PLK2: variants seen among roughly 807,000 people sequenced by gnomAD.
PLK2 encodes the protein polo like kinase 2, also known as serine/threonine-protein kinase PLK2.
PLK2 carries 25 observed loss-of-function variants against 78.1 expected under a neutral mutation model. That is an observed-to-expected ratio of 0.32 (90% CI 0.23 to 0.45). PLK2 has a LOEUF of 0.45. PLK2 is among the 20% of genes least tolerant of loss of function. The pLI, the probability that PLK2 is intolerant of heterozygous loss-of-function variation, is 1.00. For synonymous variants in PLK2, 332 were observed against 298.2 expected (o/e 1.11, Z -1.17); for missense variants, 566 against 840.2 (o/e 0.67, Z 4.04).
intron 10 of PLK2, 39 bp downstream of exon 10, chr5:58,455,987 C>T (rs370547692): frequency 6.9e-6 from 11 of 1,593,002 alleles, no homozygotes; most frequent in South Asian, 6.9e-5. Flanking sequence ...ACTGGCATTT[C>T]GAGTTTCATT....
chr5:58,455,377 C>T lies in PLK2; in HGVS notation c.1663G>A (p.Val555Ile), dbSNP rs1226613612. ...HYYAELGQCS[V>I]FPATDAPEQF... The stretch of plus-strand genomic sequence containing the variant: ...TCAGGAGCATCTGTTGCTGGGAAAA[C>T]TGAGCATTGGCCAAGCTCTGCGTAA... Residue 555 changes from valine (V) to isoleucine (I), a missense_variant, in exon 12 of 14, where the codon GTT becomes ATT. Coordinates refer to ENST00000274289, the MANE Select transcript of PLK2 (RefSeq NM_006622.4). 2.5e-6 allele frequency: 4 copies of T among 1,614,072 alleles called. No homozygotes were observed. In the Admixed American group the frequency reaches 6.7e-5, roughly 27 times the overall value.
At chr5:58,455,082 ATTATTC>A (rs1743559667) in intron 12 of PLK2, 61 bp from the exon 13 acceptor site, 4 of 1,167,918 alleles carry the variant, frequency 3.4e-6, no homozygotes, top group Non-Finnish European at 3.8e-6. Context: ...GCACTCTATT[ATTATTC>A]TAAGAAAATC....
At chr5:58,455,200 T>C in intron 12 of PLK2, 85 bp downstream of exon 12, 1 of 1,490,314 alleles carries the variant, frequency 6.7e-7, no homozygotes, top group Admixed American at 1.8e-5. Context: ...GAGAATCTGT[T>C]TCTAACAAGC....
chr5:58,455,146 C>T lies in PLK2; in HGVS notation c.1756-125G>A, dbSNP rs1579963202. 5.1e-6 allele frequency: 6 copies of T among 1,182,164 alleles called. No individual in the cohort carries two copies. The East Asian group carries it at 1.4e-4, about 28-fold the overall frequency. 73.2% of individuals were successfully genotyped at this position (1,182,164 alleles called of 1,614,324 possible). On this transcript the variant is annotated intron_variant, in intron 12 of 13. Coordinates refer to ENST00000274289, the MANE Select transcript of PLK2 (RefSeq NM_006622.4). ...AGAATGGCTTTGGAAATCCCTGCCT[C>T]CACCTCCCGGAGATTCTGATTCAGT...
chr5:58,456,137 T>C lies in PLK2; in HGVS notation c.1273A>G (p.Thr425Ala). Residue 425 changes from threonine to alanine, a missense_variant, in exon 10 of 14, where the codon ACC becomes GCC. By Grantham distance (58) the Thr-to-Ala change is moderately conservative (BLOSUM62 0). Coordinates refer to ENST00000274289, the MANE Select transcript of PLK2 (RefSeq NM_006622.4). ...GGTGTTCCAGACCTGGCAACTGTGG[T>C]GGTAGGTGGCTGGAGCTCCTTAGAA... is the stretch of plus-strand genomic sequence containing the variant. ...RTDEELQPPT[T>A]TVARSGTPAV... 1.9e-6 allele frequency: 3 copies of C among 1,613,660 alleles called. No individual in the cohort carries two copies. Among genetic ancestry groups the C allele is most frequent in the Non-Finnish European group, 2.5e-6 (3 of 1,179,892 alleles).
chr5:58,458,711 G>A lies in PLK2; in HGVS notation c.495+14C>T. On this transcript the variant is annotated intron_variant, in intron 3 of 13. Transcript: ENST00000274289. Reference sequence around the variant, plus strand: ...GGGGTAAGCAAATGTTCTCAAATAGGAGTTGACACTTACCCTTCTACTGCA... The same window carrying A: ...GGGGTAAGCAAATGTTCTCAAATAGAAGTTGACACTTACCCTTCTACTGCA... 2 of 1,339,606 alleles carry A rather than the reference G, an allele frequency of 1.5e-6. No individual in the cohort carries two copies. The highest frequency in any genetic ancestry group is 2.4e-5 in the South Asian group (2 of 84,422). 83.0% of individuals were successfully genotyped at this position (1,339,606 alleles called of 1,614,324 possible). A position where few individuals can be genotyped will look rare whatever the true frequency, so the allele number is the denominator to read the frequency against.
At chr5:58,458,887 G>A (rs1028813660) in intron 2 of PLK2, 46 bp from the exon 3 acceptor site, 7 of 1,352,946 alleles carry the variant, frequency 5.2e-6, no homozygotes, top group Middle Eastern at 1.8e-4. Context: ...CAGTCACCTC[G>A]GAAAAGCCAG....
Position 58,459,751 on chromosome 5 carries a change from G to T in PLK2, c.209C>A (p.Ser70Ter). The part of the protein sequence containing the change: ...HHHSHSGPEI[S>*]RIIVDPTTGK... ...AGTCGTGGGGTCGACGATAATCCGC[G>T]AGATCTCCGGCCCCGAGTGCGAATG... is the stretch of plus-strand genomic sequence containing the variant. The change falls in exon 1 of 14, where the codon TCG becomes TAG. Residue 70 changes from serine to a stop codon, truncating the protein, a stop_gained. Transcript: ENST00000274289. LOFTEE classifies it high-confidence loss of function. 1 of 1,606,882 alleles carries T rather than the reference G, an allele frequency of 6.2e-7. No homozygotes were observed. Among genetic ancestry groups the T allele is most frequent in the East Asian group, 2.2e-5 (1 of 44,824 alleles).
chr5:58,454,578 G>T lies in PLK2; in HGVS notation c.*5C>A, dbSNP rs1743548300. On this transcript the variant is annotated 3_prime_UTR_variant, in exon 14 of 14. Transcript: ENST00000274289. ...GAGTCCCATAGGGTCCATTCGAAAA[G>T]TCTTTCAGTTACATCTTTGTAAGAG... 6.2e-7 allele frequency: 1 copy of T among 1,600,976 alleles called. No individual in the cohort carries two copies. The highest frequency in any genetic ancestry group is 1.1e-5 in the South Asian group (1 of 89,784).
Position 58,454,998 on chromosome 5 carries a change from A to T in PLK2, c.1779T>A (p.Thr593=), listed in dbSNP as rs763284634. Residue 593 remains threonine, a synonymous_variant, in exon 13 of 14, where the codon ACT becomes ACA. Coordinates refer to ENST00000274289, the MANE Select transcript of PLK2 (RefSeq NM_006622.4). ...LMDGGDLPSV[T]DIRRPRLYLL... The stretch of plus-strand genomic sequence containing the variant: ...GGTAGAGCCGAGGTCTTCGAATATC[A>T]GTAACACTAGGCAGATCTCCACCCT... 31 of 1,609,124 alleles carry T rather than the reference A, an allele frequency of 1.9e-5. No homozygotes were observed. Among genetic ancestry groups the T allele is most frequent in the Non-Finnish European group, 2.5e-5 (29 of 1,175,604 alleles).
intron 8 of PLK2, 149 bp downstream of exon 8, chr5:58,456,796 G>C: frequency 1.6e-6 from 1 of 633,824 alleles, no homozygotes; most frequent in Non-Finnish European, 2.7e-6. Flanking sequence ...CACAATTCAA[G>C]GTATGGATTT....
Position 58,454,473 on chromosome 5 carries a change from G to A in PLK2, c.*110C>T, listed in dbSNP as rs1743544754. 2.1e-5 allele frequency: 16 copies of A among 776,920 alleles called. 1 individual carries two copies. The South Asian group carries it at 2.4e-4, about 11-fold the overall frequency. The allele number at this position is 776,920 out of a possible 1,614,324, so 48.1% of individuals were successfully genotyped here. Reference sequence around the variant, plus strand: ...AGCAGGCCACAGGGGAATTGTTTTCGTACCACCACATGTCCATCTTCTTCA... The same window carrying A: ...AGCAGGCCACAGGGGAATTGTTTTCATACCACCACATGTCCATCTTCTTCA... On this transcript the variant is annotated 3_prime_UTR_variant, in exon 14 of 14. Coordinates refer to ENST00000274289, the MANE Select transcript of PLK2 (RefSeq NM_006622.4).
chr5:58,457,152 T>C, intron 7 of PLK2, 29 bp downstream of exon 7: 1 of 1,610,888 alleles, frequency 6.2e-7, no homozygotes, highest in East Asian at 2.2e-5. Context: ...CAATACCAGG[T>C]AATTAAAAAA....
In PLK2 at chr5:58,459,537, C is replaced by T. The variant is rs1743698957; in HGVS notation, c.270+153G>A. ...CCCCAGCGCTGCCGGCGCACAAAAG[C>T]CAGAGGGCAGGTGAGGAGCCCACCT... is the stretch of plus-strand genomic sequence containing the variant. On this transcript the variant is annotated intron_variant, in intron 1 of 13. Coordinates refer to ENST00000274289, the MANE Select transcript of PLK2 (RefSeq NM_006622.4). 9 of 644,142 alleles carry T rather than the reference C, an allele frequency of 1.4e-5. No individual in the cohort carries two copies. The South Asian group carries it at 1.9e-4, about 13-fold the overall frequency. 39.9% of individuals were successfully genotyped at this position (644,142 alleles called of 1,614,324 possible). A position where few individuals can be genotyped will look rare whatever the true frequency, so the allele number is the denominator to read the frequency against.
chr5:58,458,627 G>T, intron 3 of PLK2, 98 bp downstream of exon 3: 1 of 1,318,974 alleles, frequency 7.6e-7, no homozygotes, highest in South Asian at 1.3e-5. Flanking sequence ...ACTTTGCAGT[G>T]TAAGTGCTGC....
rs759275867 is a variant in PLK2 at position 58,457,484 on chromosome 5, T to A, written c.809+4A>T. 1.1e-5 allele frequency: 17 copies of A among 1,605,708 alleles called. No individual in the cohort carries two copies. In the East Asian group the frequency reaches 3.8e-4, roughly 36 times the overall value. ...TTTTTAATTATTCTGCTGCATTTACTTACATTACACAGCCCAGGGCCCAAA... is the reference window on the plus strand; with the variant it reads ...TTTTTAATTATTCTGCTGCATTTACATACATTACACAGCCCAGGGCCCAAA... On this transcript the variant is annotated splice_donor_region_variant and intron_variant, in intron 6 of 13. Transcript: ENST00000274289.
chr5:58,459,329 A>G (rs1743693906), intron 1 of PLK2: 2 of 577,992 alleles, frequency 3.5e-6, no homozygotes, highest in Non-Finnish European at 6.1e-6. Flanking sequence ...GGGGAGCTTT[A>G]TGGAGGGAGT....
At position 58,459,986 on chromosome 5, in the gene PLK2, G is replaced by A. The variant is rs767860228; in HGVS notation, c.-27C>T. On this transcript the variant is annotated 5_prime_UTR_variant, in exon 1 of 14. Coordinates refer to ENST00000274289, the MANE Select transcript of PLK2 (RefSeq NM_006622.4). ...GTCGCCTTGCCGCCCCGCACTGCCC[G>A]CTGCCACCCCCTAGGCGCGGTCACA... The A allele has an allele frequency of 4.5e-6, 7 of 1,559,850 alleles. No individual in the cohort carries two copies. The highest frequency in any genetic ancestry group is 5.2e-6 in the Non-Finnish European group (6 of 1,152,824).
chr5:58,456,013 G>T lies in PLK2; in HGVS notation c.1384+13C>A. ...GAGTTTCATTATTTAAAATACGATTGACAACCACTTACATTCACTGCTGCT... is the reference window on the plus strand; with the variant it reads ...GAGTTTCATTATTTAAAATACGATTTACAACCACTTACATTCACTGCTGCT... On this transcript the variant is annotated intron_variant, in intron 10 of 13. Coordinates refer to ENST00000274289, the MANE Select transcript of PLK2 (RefSeq NM_006622.4). The T allele has an allele frequency of 6.2e-7, 1 of 1,604,924 alleles. No homozygotes were observed. Among genetic ancestry groups the T allele is most frequent in the South Asian group, 1.1e-5 (1 of 88,938 alleles).
Sources: allele counts gnomAD v4.1 joint callset, GRCh38; gene constraint gnomAD v4.1.1; transcripts MANE v1.5; gene names NCBI Gene and HGNC (gene_info 2026-07-23, HGNC 2026-07-21).